CEP128: variants seen among roughly 807,000 people sequenced by gnomAD.
CEP128 encodes centrosomal protein 128kDa.
Under a neutral mutation model 156.7 loss-of-function variants are expected in CEP128, and 132 were observed. That is an observed-to-expected ratio of 0.84 (90% CI 0.73 to 0.97). The LOEUF is 0.97. Among genes scored for constraint, CEP128 ranks in the 50% least tolerant of loss-of-function variants. The probability of loss-of-function intolerance (pLI) is 0.00; values close to 1 mark genes in which losing one functional copy is unlikely to be tolerated. For synonymous variants in CEP128, 469 were observed against 448.9 expected (o/e 1.04, Z -0.57); for missense variants, 1,252 against 1,281.9 (o/e 0.98, Z 0.36).
intron 19 of CEP128, among the ~76,000 whole-genome samples, chr14:80,636,114 C>A (rs1894170754): frequency 6.6e-6 from 1 of 152,196 alleles, no homozygotes; most frequent in South Asian, 2.1e-4. Context: ...TATTTGTTCA[C>A]TTGTTTTCTG....
At chr14:80,663,159 C>G (rs1387481438) in intron 19 of CEP128, among the ~76,000 whole-genome samples, 2 of 152,276 alleles carry the variant, frequency 1.3e-5, no homozygotes, top group Admixed American at 6.5e-5. Flanking sequence ...AGAGCAGGCT[C>G]TCTAGGATAT....
chr14:80,930,190 A>G (rs1334284680), intron 2 of CEP128, among the ~76,000 whole-genome samples: 1 of 152,202 alleles, frequency 6.6e-6, no homozygotes, highest in Non-Finnish European at 1.5e-5. Context: ...AATTAACATT[A>G]GCAGAGAGGT....
intron 9 of CEP128, among the ~76,000 whole-genome samples, chr14:80,847,069 G>A (rs528353947): frequency 1.4e-3 from 218 of 152,252 alleles, no homozygotes; most frequent in African/African-American, 5.1e-3. Flanking sequence ...GTACAAGGTT[G>A]AAAGAGACAT....
intron 15 of CEP128, among the ~76,000 whole-genome samples, chr14:80,779,921 C>G (rs1439454172): frequency 6.6e-6 from 1 of 152,002 alleles, no homozygotes; most frequent in African/African-American, 2.4e-5. Context: ...ATAACTTGAC[C>G]AAGATCAAAT....
chr14:80,856,033 C>CA (rs1299916716), intron 9 of CEP128, among the ~76,000 whole-genome samples: 3 of 151,836 alleles, frequency 2.0e-5, no homozygotes, highest in South Asian at 2.1e-4. Flanking sequence ...TAGGTTTTTC[C>CA]AAAAAAATGA....
chr14:80,576,624 CGTGTGT>C (rs753148123), intron 20 of CEP128, among the ~76,000 whole-genome samples: 5 of 112,786 alleles, frequency 4.4e-5, no homozygotes, highest in African/African-American at 6.9e-5. Flanking sequence ...ATTACTCCGG[CGTGTGT>C]GTGTGTGTGT....
intron 9 of CEP128, among the ~76,000 whole-genome samples, chr14:80,857,934 G>A (rs1000586899): frequency 1.3e-5 from 2 of 152,064 alleles, no homozygotes; most frequent in Admixed American, 6.6e-5. Flanking sequence ...AATGTATGAA[G>A]GTCCTTACCA....
chr14:80,837,240 A>C (rs1382341327), intron 11 of CEP128, among the ~76,000 whole-genome samples: 1 of 152,254 alleles, frequency 6.6e-6, no homozygotes, highest in Non-Finnish European at 1.5e-5. Flanking sequence ...GTGTTATATA[A>C]CATACACTTC....
chr14:80,559,711 A>C (rs914373229), intron 20 of CEP128, among the ~76,000 whole-genome samples: 1 of 152,244 alleles, frequency 6.6e-6, no homozygotes, highest in African/African-American at 2.4e-5. Context: ...TTACAGCGAA[A>C]AATGTGGTCT....
intron 16 of CEP128, among the ~76,000 whole-genome samples, chr14:80,774,974 C>T (rs982040046): frequency 6.6e-6 from 1 of 152,160 alleles, no homozygotes; most frequent in Non-Finnish European, 1.5e-5. Context: ...ATTTTTATTA[C>T]TAACACATCA....
chr14:80,615,771 C>G (rs941028549), intron 19 of CEP128, among the ~76,000 whole-genome samples: 25 of 152,146 alleles, frequency 1.6e-4, no homozygotes, highest in Non-Finnish European at 1.5e-5. Context: ...ATCACTTGAA[C>G]CCGGGAGGCA....
chr14:80,564,149 T>C (rs10162376), intron 20 of CEP128, among the ~76,000 whole-genome samples: 4,281 of 152,310 alleles, frequency 0.028, 214 homozygotes, highest in African/African-American at 0.097. Flanking sequence ...TGTGATTGGA[T>C]AGTCCCTTTT....
chr14:80,914,677 C>T (rs2139496506), intron 3 of CEP128, among the ~76,000 whole-genome samples: 1 of 152,240 alleles, frequency 6.6e-6, no homozygotes. Flanking sequence ...AGCAACAAAA[C>T]CATAAATTCT....
intron 20 of CEP128, 62 bp downstream of exon 20, chr14:80,580,312 G>A: frequency 9.6e-7 from 1 of 1,046,248 alleles, no homozygotes; most frequent in Non-Finnish European, 1.5e-6. Flanking sequence ...AATAATAAAG[G>A]ATAAAAGAGT....
intron 18 of CEP128, among the ~76,000 whole-genome samples, chr14:80,753,289 C>T (rs369685570): frequency 6.6e-5 from 10 of 151,444 alleles, no homozygotes; most frequent in Non-Finnish European, 1.0e-4. Context: ...CAGAAGCAAA[C>T]GGGGAATTTC....
At chr14:80,744,599 T>A (rs778242445) in intron 18 of CEP128, among the ~76,000 whole-genome samples, 2 of 152,194 alleles carry the variant, frequency 1.3e-5, no homozygotes, top group Non-Finnish European at 2.9e-5. Context: ...ACTTGAGGCA[T>A]AACTGACTCC....
At chr14:80,867,674 A>C (rs900691763) in intron 8 of CEP128, among the ~76,000 whole-genome samples, 2 of 152,132 alleles carry the variant, frequency 1.3e-5, no homozygotes, top group African/African-American at 4.8e-5. Context: ...AACAAAAAAA[A>C]CAAGAAAGAA....
chr14:80,774,964 A>AT (rs1281264653), intron 16 of CEP128, among the ~76,000 whole-genome samples: 2 of 152,192 alleles, frequency 1.3e-5, no homozygotes, highest in Non-Finnish European at 2.9e-5. Context: ...TAGGCACATT[A>AT]TTTTTATTAC....
At chr14:80,539,485 C>G (rs184476523) in intron 21 of CEP128, among the ~76,000 whole-genome samples, 1 of 152,190 alleles carries the variant, frequency 6.6e-6, no homozygotes, top group Non-Finnish European at 1.5e-5. Flanking sequence ...TAATTTATTA[C>G]GCCTATCTTT....
Sources: allele counts gnomAD v4.1 joint callset (sites outside exome capture counted in the v4.1 genomes callset), GRCh38; gene constraint gnomAD v4.1.1; transcripts MANE v1.5; gene names NCBI Gene and HGNC (gene_info 2026-07-23, HGNC 2026-07-21).